GYPC: variants seen among roughly 807,000 people sequenced by gnomAD.
GYPC encodes glycophorin C (Gerbich blood group).
Under a neutral mutation model 12.6 loss-of-function variants are expected in GYPC, and 14 were observed. That is an observed-to-expected ratio of 1.11 (90% CI 0.74 to 1.74). The LOEUF (loss-of-function observed/expected upper bound fraction) is 1.74. Among genes scored for constraint, GYPC ranks in the 40% most tolerant of loss-of-function variants. GYPC has a pLI of 0.00. For missense variants in GYPC, 225 were observed against 172.1 expected (o/e 1.31, Z -1.72); for synonymous variants, 78 against 62.1 (o/e 1.26, Z -1.20).
intron 1 of GYPC, among the ~76,000 whole-genome samples, chr2:126,666,708 T>TAC (rs67904410): frequency 0.056 from 6,680 of 118,246 alleles, 287 homozygotes; most frequent in East Asian, 0.13. Flanking sequence ...CCTCCCTCCC[T>TAC]ACACACACAC....
At chr2:126,693,766 C>A in intron 2 of GYPC, 98 bp from the exon 3 acceptor site, 1 of 829,476 alleles carries the variant, frequency 1.2e-6, no homozygotes. Flanking sequence ...ATTCTCAGAG[C>A]TGCTCACACC....
intron 1 of GYPC, among the ~76,000 whole-genome samples, chr2:126,678,041 G>GA (rs1683057292): frequency 1.3e-5 from 2 of 152,276 alleles, no homozygotes; most frequent in South Asian, 2.1e-4. Flanking sequence ...CTAACACGGT[G>GA]AAACCCCTTC....
At chr2:126,669,295 C>G (rs901025289) in intron 1 of GYPC, among the ~76,000 whole-genome samples, 5 of 152,182 alleles carry the variant, frequency 3.3e-5, no homozygotes, top group Non-Finnish European at 5.9e-5. Flanking sequence ...CCCTGGTCAT[C>G]ATCCTGTGCT....
At chr2:126,670,156 T>C (rs1573561444) in intron 1 of GYPC, among the ~76,000 whole-genome samples, 1 of 150,618 alleles carries the variant, frequency 6.6e-6, no homozygotes, top group Admixed American at 6.6e-5. Context: ...TGATGTCTCC[T>C]TCTGAGACCG....
At chr2:126,690,079 G>A (rs939503320) in intron 1 of GYPC, among the ~76,000 whole-genome samples, 176 bp from the exon 2 acceptor site, 1 of 152,192 alleles carries the variant, frequency 6.6e-6, no homozygotes, top group Non-Finnish European at 1.5e-5. Flanking sequence ...GCAGAACCTG[G>A]TTCCTGGTCT....
chr2:126,671,694 C>G (rs1307050812), intron 1 of GYPC, among the ~76,000 whole-genome samples: 1 of 152,244 alleles, frequency 6.6e-6, no homozygotes, highest in Non-Finnish European at 1.5e-5. Context: ...TGAGCACCAG[C>G]TGTGTGTCAG....
rs1683640947 is a variant in GYPC, at chr2:126,696,220, G to T, written c.*78G>T. 9.9e-7 allele frequency: 1 copy of T among 1,013,804 alleles called. No homozygotes were observed. 62.8% of individuals were successfully genotyped at this position (1,013,804 alleles called of 1,614,324 possible). A position where few individuals can be genotyped will look rare whatever the true frequency, so the allele number is the denominator to read the frequency against. ...ATACACCCCATCGCCCAGCACCCCT[G>T]CTGATACCACCAGACAGAGAGAGAG... On this transcript the variant is annotated 3_prime_UTR_variant, in exon 4 of 4. Coordinates refer to ENST00000259254, the MANE Select transcript of GYPC (RefSeq NM_002101.5).
chr2:126,690,336 C>A (rs1226162146), intron 2 of GYPC, 25 bp downstream of exon 2: 2 of 1,563,328 alleles, frequency 1.3e-6, no homozygotes, highest in South Asian at 1.1e-5. Flanking sequence ...CAGAGCCTCA[C>A]CATAATGGAA....
intron 1 of GYPC, among the ~76,000 whole-genome samples, chr2:126,668,683 G>A (rs1682753393): frequency 6.6e-6 from 1 of 152,242 alleles, no homozygotes; most frequent in South Asian, 2.1e-4. Flanking sequence ...GATTGCGAGA[G>A]CAATTCATCC....
At chr2:126,685,354 C>T (rs1417840222) in intron 1 of GYPC, among the ~76,000 whole-genome samples, 1 of 151,914 alleles carries the variant, frequency 6.6e-6, no homozygotes, top group Non-Finnish European at 1.5e-5. Flanking sequence ...AGCCTTTCTG[C>T]TTCAGAGTGC....
chr2:126,660,324 G>A (rs573151074), intron 1 of GYPC, among the ~76,000 whole-genome samples: 41 of 152,332 alleles, frequency 2.7e-4, no homozygotes, highest in South Asian at 1.9e-3. Context: ...GCCCTTGCCC[G>A]CCTTAGCAGC....
chr2:126,663,940 T>C (rs1004887400), intron 1 of GYPC, among the ~76,000 whole-genome samples: 1 of 150,364 alleles, frequency 6.7e-6, no homozygotes, highest in Non-Finnish European at 1.5e-5. Flanking sequence ...TGGGTCTCTC[T>C]AAGGTTCTGG....
chr2:126,685,441 A>G lies in GYPC; in HGVS notation c.50-4814A>G, dbSNP rs138314111. Reference sequence around the variant, plus strand: ...ACTCTGTCGCCCAGGTTGGAGTGCAATGATGCAATCTCAGCTCACTACAAC... The same window carrying G: ...ACTCTGTCGCCCAGGTTGGAGTGCAGTGATGCAATCTCAGCTCACTACAAC... On this transcript the variant is annotated intron_variant, in intron 1 of 3. Transcript: ENST00000259254. Among the ~76,000 whole-genome samples the G allele has an allele frequency of 1.2e-3, 185 of 151,762 alleles. 1 individual carries two copies. In the East Asian group the frequency reaches 0.032, roughly 26 times the overall value.
At chr2:126,693,610 A>G (rs981991692) in intron 2 of GYPC, among the ~76,000 whole-genome samples, 2 of 152,186 alleles carry the variant, frequency 1.3e-5, no homozygotes, top group Non-Finnish European at 2.9e-5. Context: ...CATTAGGCAG[A>G]TAACTCAAAT....
intron 1 of GYPC, among the ~76,000 whole-genome samples, chr2:126,680,645 GAA>G (rs1299322962): frequency 6.6e-6 from 1 of 152,186 alleles, no homozygotes; most frequent in Admixed American, 6.5e-5. Context: ...GACTGGGGGT[GAA>G]CCATGGACTG....
At chr2:126,662,724 A>G (rs554178572) in intron 1 of GYPC, among the ~76,000 whole-genome samples, 2 of 152,344 alleles carry the variant, frequency 1.3e-5, no homozygotes, top group South Asian at 2.1e-4. Context: ...AATGGAGCTA[A>G]TAACAGTCTC....
At chr2:126,681,379 A>G (rs1283014037) in intron 1 of GYPC, among the ~76,000 whole-genome samples, 1 of 152,188 alleles carries the variant, frequency 6.6e-6, no homozygotes, top group Non-Finnish European at 1.5e-5. Flanking sequence ...ATGCCCAAAT[A>G]TGGAACATTT....
intron 1 of GYPC, among the ~76,000 whole-genome samples, chr2:126,671,482 A>G (rs947068301): frequency 6.6e-6 from 1 of 152,218 alleles, no homozygotes; most frequent in Non-Finnish European, 1.5e-5. Context: ...GTGCACTTGC[A>G]TGCTTCCTTA....
At chr2:126,664,450 C>T (rs920882334) in intron 1 of GYPC, among the ~76,000 whole-genome samples, 1 of 152,186 alleles carries the variant, frequency 6.6e-6, no homozygotes, top group Non-Finnish European at 1.5e-5. Context: ...TTCTCTTCCC[C>T]CTCTACATTG....
Sources: gnomAD v4.1 joint callset for allele counts (sites outside exome capture counted in the v4.1 genomes callset) on GRCh38, gnomAD v4.1.1 for gene constraint, MANE v1.5 for transcripts, NCBI Gene and HGNC (gene_info 2026-07-23, HGNC 2026-07-21) for gene names.